MMEL1: variants seen among roughly 807,000 people sequenced by gnomAD.
MMEL1 encodes the protein membrane metallo-endopeptidase-like 1.
Under a neutral mutation model 117.1 loss-of-function variants are expected in MMEL1, and 98 were observed. The observed-to-expected ratio is 0.84, with a 90% CI of 0.71 to 0.99. The LOEUF (loss-of-function observed/expected upper bound fraction) is 0.99, where lower values mean the gene tolerates loss of function less well. MMEL1 is among the 50% of genes least tolerant of loss of function. The pLI, the probability that MMEL1 is intolerant of heterozygous loss-of-function variation, is 0.00. For missense variants in MMEL1, 1,014 were observed against 1,049.1 expected, an observed-to-expected ratio of 0.97 and a Z score of 0.46; for synonymous variants, 390 against 415.1, an observed-to-expected ratio of 0.94 and a Z score of 0.74.
At chr1:2,618,163 G>T (rs12092504) in intron 2 of MMEL1, among the ~76,000 whole-genome samples, 1 of 152,172 alleles carries the variant, frequency 6.6e-6, no homozygotes, top group Admixed American at 6.5e-5. Flanking sequence ...GTTGGGGGTG[G>T]GGCCTGGTGG....
intron 3 of MMEL1, among the ~76,000 whole-genome samples, chr1:2,611,654 G>A (rs955663625): frequency 1.3e-5 from 2 of 152,148 alleles, no homozygotes; most frequent in Non-Finnish European, 2.9e-5. Flanking sequence ...AGTGAGCTTC[G>A]TTCTTTGTCC....
intron 4 of MMEL1, among the ~76,000 whole-genome samples, chr1:2,610,360 G>C (rs897408536): frequency 6.6e-6 from 1 of 152,164 alleles, no homozygotes; most frequent in Admixed American, 6.5e-5. Context: ...ACTTGATCTT[G>C]AACCCCAAAC....
intron 18 of MMEL1, 173 bp downstream of exon 18, chr1:2,594,212 C>T (rs978285458): frequency 4.5e-5 from 38 of 839,762 alleles, no homozygotes; most frequent in Non-Finnish European, 6.1e-5. Context: ...CGAAGCCGCT[C>T]ATGGGCACGG....
chr1:2,616,372 A>G (rs1645200788), intron 2 of MMEL1, among the ~76,000 whole-genome samples: 1 of 151,796 alleles, frequency 6.6e-6, no homozygotes, highest in Admixed American at 6.6e-5. Context: ...CAGACAAAAA[A>G]AGACACATTA....
At chr1:2,591,209 A>G in intron 23 of MMEL1, 120 bp from the exon 24 acceptor site, 1 of 666,482 alleles carries the variant, frequency 1.5e-6, no homozygotes, top group East Asian at 2.8e-5. Flanking sequence ...TGTCAGTATG[A>G]GCAGAAACAT....
chr1:2,598,131 G>A, intron 13 of MMEL1, 76 bp downstream of exon 13: 2 of 1,392,102 alleles, frequency 1.4e-6, no homozygotes, highest in Non-Finnish European at 2.0e-6. Flanking sequence ...CTCGGTGTTT[G>A]CCTACAGCTT....
chr1:2,592,919 AGTTAC>A lies in MMEL1; in HGVS notation c.1910_1914del (p.Ser637IlefsTer42), dbSNP rs759870291. 6.2e-7 allele frequency: 1 copy of A among 1,613,750 alleles called. No homozygotes were observed. Among genetic ancestry groups the A allele is most frequent in the South Asian group, 1.1e-5 (1 of 91,076 alleles). ...TGCTCCCGGAAGTGCTGGGTGGAGA[AGTTAC>A]TCCACCAATCCATCATGTTGCCATT... is the stretch of plus-strand genomic sequence containing the variant. On this transcript the variant is annotated frameshift_variant, in exon 20 of 24. Transcript: ENST00000378412. LOFTEE classifies it high-confidence loss of function.
chr1:2,629,160 C>T (rs532244878), intron 2 of MMEL1, among the ~76,000 whole-genome samples, 171 bp downstream of exon 2: 2 of 152,260 alleles, frequency 1.3e-5, no homozygotes, highest in African/African-American at 4.8e-5. Context: ...CTCCCGCCGC[C>T]TCTGAGTCCG....
intron 14 of MMEL1, 148 bp from the exon 15 acceptor site, chr1:2,596,255 C>A: frequency 1.3e-6 from 1 of 780,232 alleles, no homozygotes; most frequent in South Asian, 1.7e-5. Context: ...GGTGTGGGGC[C>A]GGTGGGGGGA....
chr1:2,598,119 A>C, intron 13 of MMEL1, 88 bp downstream of exon 13: 1 of 1,235,414 alleles, frequency 8.1e-7, no homozygotes, highest in Non-Finnish European at 1.2e-6. Flanking sequence ...CCTGGTGTGG[A>C]CCTCGGTGTT....
intron 2 of MMEL1, among the ~76,000 whole-genome samples, chr1:2,627,733 C>T (rs938674174): frequency 2.0e-5 from 3 of 152,178 alleles, no homozygotes; most frequent in African/African-American, 7.2e-5. Context: ...TGAGAAAATA[C>T]ACAGAAATAA....
rs931168046 is a variant in MMEL1 at position 2,609,742 on chromosome 1, C to T, written c.382G>A (p.Val128Met). 10 of 1,613,672 alleles carry T rather than the reference C, an allele frequency of 6.2e-6. No homozygotes were observed. In the East Asian group the frequency reaches 6.7e-5, roughly 11 times the overall value. The change falls in exon 5 of 24, where the codon GTG becomes ATG. Residue 128 changes from valine (V) to methionine (M), a missense_variant. Coordinates refer to ENST00000378412, the MANE Select transcript of MMEL1 (RefSeq NM_033467.4). ...FACGGWLRRH[V>M]IPETNSRYSI... ...TATCTTGAGTTGGTCTCAGGGATCA[C>T]GTGGCGCCGCAGCCAGCCTCCGCAT...
chr1:2,592,815 G>A lies in MMEL1; in HGVS notation c.2001+18C>T. The A allele has an allele frequency of 6.2e-7, 1 of 1,613,184 alleles. No homozygotes were observed. On this transcript the variant is annotated intron_variant, in intron 20 of 23. Transcript: ENST00000378412. ...GCTCCGGTACCCCCGCAGCCTGGGT[G>A]CTGGTGGCAGCGCTCACGTTCTGTT...
intron 2 of MMEL1, among the ~76,000 whole-genome samples, chr1:2,622,643 G>A (rs769777548): frequency 1.3e-5 from 2 of 152,122 alleles, no homozygotes; most frequent in Non-Finnish European, 2.9e-5. Context: ...TCAGCACTTT[G>A]GGAAGCCAAG....
chr1:2,617,485 A>G (rs1017158808), intron 2 of MMEL1, among the ~76,000 whole-genome samples: 1 of 150,796 alleles, frequency 6.6e-6, no homozygotes, highest in African/African-American at 2.4e-5. Context: ...CTGTAATCCC[A>G]TCTACTCAAG....
rs1027895685 is a variant in MMEL1, at chr1:2,590,972, A to G, written c.*18T>C. On this transcript the variant is annotated 3_prime_UTR_variant, in exon 24 of 24. Coordinates refer to ENST00000378412, the MANE Select transcript of MMEL1 (RefSeq NM_033467.4). ...AGCAGCGGGTGGGCGTGGGCCGCAC[A>G]GCGCGGCAGGGCCTTGGCTACCACA... 3.9e-6 allele frequency: 6 copies of G among 1,528,040 alleles called. No homozygotes were observed. The highest frequency in any genetic ancestry group is 4.4e-6 in the Non-Finnish European group (5 of 1,136,150). The allele number at this position is 1,528,040 out of a possible 1,614,324, so 94.7% of individuals were successfully genotyped here. A position where few individuals can be genotyped will look rare whatever the true frequency, so the allele number is the denominator to read the frequency against.
chr1:2,602,186 C>T (rs1375997712), intron 11 of MMEL1, among the ~76,000 whole-genome samples: 1 of 152,198 alleles, frequency 6.6e-6, no homozygotes, highest in Non-Finnish European at 1.5e-5. Flanking sequence ...AGGGAGAAGT[C>T]AGGGTCTCTT....
chr1:2,605,519 T>A (rs1553141256), intron 9 of MMEL1, 39 bp downstream of exon 9: 1 of 1,574,852 alleles, frequency 6.3e-7, no homozygotes, highest in Non-Finnish European at 8.7e-7. Context: ...TAGGGGGTGA[T>A]GGGGGGGTCA....
chr1:2,594,702 C>G, intron 17 of MMEL1, 88 bp downstream of exon 17: 1 of 1,188,914 alleles, frequency 8.4e-7, no homozygotes, highest in Non-Finnish European at 1.2e-6. Context: ...GCCACGCATC[C>G]AGTCCCCCGC....
Sources: gnomAD v4.1 joint callset for allele counts (sites outside exome capture counted in the v4.1 genomes callset) on GRCh38, gnomAD v4.1.1 for gene constraint, MANE v1.5 for transcripts, NCBI Gene and HGNC (gene_info 2026-07-23, HGNC 2026-07-21) for gene names.